The following TNRC6A variants were observed in gnomAD, a reference collection of about 807,000 sequenced individuals.
TNRC6A encodes the protein trinucleotide repeat-containing gene 6A protein.
In TNRC6A, 44 loss-of-function variants were observed where a neutral mutation model predicts 221.2. The observed-to-expected ratio is 0.20, with a 90% CI of 0.16 to 0.26. The LOEUF (loss-of-function observed/expected upper bound fraction) is 0.26, where lower values mean the gene tolerates loss of function less well. TNRC6A is among the 10% of genes least tolerant of loss of function. The pLI, the probability that TNRC6A is intolerant of heterozygous loss-of-function variation, is 1.00. For missense variants in TNRC6A, 2,199 were observed against 2,404.4 expected, an observed-to-expected ratio of 0.91 and a Z score of 1.79; for synonymous variants, 847 against 838.5, an observed-to-expected ratio of 1.01 and a Z score of -0.18.
At chr16:24,803,290 G>A (rs1348663757) in intron 11 of TNRC6A, among the ~76,000 whole-genome samples, 1 of 151,810 alleles carries the variant, frequency 6.6e-6, no homozygotes, top group Non-Finnish European at 1.5e-5. Flanking sequence ...GTGGTGGTGG[G>A]TGCCTGTAAT....
rs993192916 is a variant in TNRC6A, at chr16:24,647,699, C to T, written n.402+6690C>T. 5.9e-5 allele frequency among the ~76,000 whole-genome samples: 9 copies of T among 152,074 alleles called. No individual in the cohort carries two copies. In the South Asian group the frequency reaches 1.7e-3, roughly 28 times the overall value. ...TGATCTTGGCTCACTGCAACCTCTG[C>T]CTCCTGGGTTCAAGGGATTCTTCTG... On this transcript the variant is annotated intron_variant and non_coding_transcript_variant, in intron 2 of 2. Coordinates refer to the TNRC6A transcript ENST00000566108.
chr16:24,794,861 G>C, intron 8 of TNRC6A, 142 bp downstream of exon 8: 6 of 612,174 alleles, frequency 9.8e-6, no homozygotes, highest in Non-Finnish European at 1.6e-5. Context: ...ACTTGTATGG[G>C]CAGCCACCTA....
chr16:24,815,180 C>T lies in TNRC6A; in HGVS notation c.4706C>T (p.Ser1569Phe), dbSNP rs2058629985. Reference protein sequence around the residue: ...AISSGFRLEESPFVPYDFMNS... With the variant: ...AISSGFRLEEFPFVPYDFMNS... Reference sequence around the variant, plus strand: ...TCAAGTGGTTTCAGGCTGGAAGAGTCTCCATTTGTTCCCTATGACTTTATG... The same window carrying T: ...TCAAGTGGTTTCAGGCTGGAAGAGTTTCCATTTGTTCCCTATGACTTTATG... Residue 1569 changes from serine to phenylalanine, a missense_variant, in exon 19 of 25, where the codon TCT becomes TTT. Coordinates refer to ENST00000395799, the MANE Select transcript of TNRC6A (RefSeq NM_014494.4). 1 of 1,614,150 alleles carries T rather than the reference C, an allele frequency of 6.2e-7. No individual in the cohort carries two copies. The highest frequency in any genetic ancestry group is 8.5e-7 in the Non-Finnish European group (1 of 1,179,980).
intron 2 of TNRC6A, among the ~76,000 whole-genome samples, chr16:24,667,537 A>G (rs747176942): frequency 9.2e-5 from 14 of 152,282 alleles, no homozygotes; most frequent in African/African-American, 2.6e-4. Flanking sequence ...AGTGACCACA[A>G]TGTGACAGAC....
chr16:24,799,203 G>C (rs2058282208), intron 11 of TNRC6A, among the ~76,000 whole-genome samples: 1 of 152,154 alleles, frequency 6.6e-6, no homozygotes, highest in Admixed American at 6.5e-5. Context: ...CAAAATGTCA[G>C]TGCTAGCTGG....
rs1307924784 is a variant in TNRC6A, at chr16:24,806,759, A to G, written c.4515A>G (p.Ile1505Met). 2.5e-6 allele frequency: 4 copies of G among 1,614,194 alleles called. No individual in the cohort carries two copies. The highest frequency in any genetic ancestry group is 3.4e-6 in the Non-Finnish European group (4 of 1,180,042). Residue 1505 changes from isoleucine (I) to methionine (M), a missense_variant, in exon 17 of 25, where the codon ATA becomes ATG. By Grantham distance (10) the Ile-to-Met change is conservative. Coordinates refer to ENST00000395799, the MANE Select transcript of TNRC6A (RefSeq NM_014494.4). ...TPELQKGPSP[I>M]NAFSNFPIGL... ...AGCTGCAAAAAGGGCCATCACCAAT[A>G]AATGCTTTCAGCAACTTCCCTATAG...
At chr16:24,708,949 G>T (rs561356930) in intron 2 of TNRC6A, among the ~76,000 whole-genome samples, 6 of 152,208 alleles carry the variant, frequency 3.9e-5, no homozygotes, top group African/African-American at 1.4e-4. Flanking sequence ...GAATTGTGCT[G>T]CCATAAACGT....
intron 4 of TNRC6A, among the ~76,000 whole-genome samples, chr16:24,762,739 C>G (rs1596641893): frequency 1.3e-5 from 2 of 152,098 alleles, no homozygotes; most frequent in South Asian, 2.1e-4. Flanking sequence ...ACTAACTTGC[C>G]CAGGTTATGC....
intron 21 of TNRC6A, 95 bp from the exon 22 acceptor site, chr16:24,820,040 TTAGA>T: frequency 1.8e-6 from 2 of 1,140,816 alleles, no homozygotes; most frequent in Middle Eastern, 4.0e-4. Flanking sequence ...CTTTTGTTTG[TTAGA>T]TTTGCTTTTT....
rs144472162 is a variant in TNRC6A, at chr16:24,689,224, C to T, written n.402+48215C>T. 3.4e-4 allele frequency among the ~76,000 whole-genome samples: 52 copies of T among 152,318 alleles called. 2 individuals are homozygous for T. In the East Asian group the frequency reaches 6.2e-3, roughly 18 times the overall value. On this transcript the variant is annotated intron_variant and non_coding_transcript_variant, in intron 2 of 2. Transcript: ENST00000566108. Reference sequence around the variant, plus strand: ...CATCCAACCACTTGGAGATACTAACCATCAAGCTGCAACATAGACACAAAC... The same window carrying T: ...CATCCAACCACTTGGAGATACTAACTATCAAGCTGCAACATAGACACAAAC...
intron 20 of TNRC6A, among the ~76,000 whole-genome samples, chr16:24,817,805 A>T (rs1237179524): frequency 7.9e-5 from 12 of 152,162 alleles, no homozygotes; most frequent in Admixed American, 7.9e-4. Context: ...GCATTGTGAA[A>T]TGGCTGGGTT....
At chr16:24,716,956 A>C (rs79805021) in intron 2 of TNRC6A, among the ~76,000 whole-genome samples, 1 of 74,724 alleles carries the variant, frequency 1.3e-5, no homozygotes, top group East Asian at 7.8e-4. Context: ...ACTCCATCTC[A>C]AAAAAAAAAA....
intron 20 of TNRC6A, 109 bp downstream of exon 20, chr16:24,817,065 CACTTGAGCCCAGGA>C: frequency 8.6e-7 from 1 of 1,164,946 alleles, no homozygotes. Flanking sequence ...ACTCTGGGAT[CACTTGAGCCCAGGA>C]GCTTGAGGCA....
chr16:24,737,889 G>A (rs2056806020), intron 2 of TNRC6A, among the ~76,000 whole-genome samples: 1 of 152,162 alleles, frequency 6.6e-6, no homozygotes, highest in Non-Finnish European at 1.5e-5. Flanking sequence ...AGTGTGTGCT[G>A]ATTTTAAATG....
chr16:24,803,036 G>A (rs368711136), intron 11 of TNRC6A, among the ~76,000 whole-genome samples: 1 of 152,126 alleles, frequency 6.6e-6, no homozygotes, highest in Non-Finnish European at 1.5e-5. Context: ...CCTAAGAGAG[G>A]GGAAGATGTT....
At chr16:24,719,331 C>G (rs1427179960) in intron 2 of TNRC6A, among the ~76,000 whole-genome samples, 1 of 152,034 alleles carries the variant, frequency 6.6e-6, no homozygotes, top group Non-Finnish European at 1.5e-5. Context: ...GAGTTTGAGA[C>G]TGGGCAACGT....
Position 24,789,325 on chromosome 16 carries a change from C to CTGT in TNRC6A, c.687_689dup (p.Val230dup). 1 of 1,614,178 alleles carries CTGT rather than the reference C, an allele frequency of 6.2e-7. No homozygotes were observed. Among genetic ancestry groups the CTGT allele is most frequent in the Non-Finnish European group, 8.5e-7 (1 of 1,180,042 alleles). ...GATTCTAGCACAAACTGTAAGAATG[C>CTGT]TGTTGTAAGTGACTTGTCGGAAAAA... On this transcript the variant is annotated inframe_insertion, in exon 6 of 25. Coordinates refer to ENST00000395799, the MANE Select transcript of TNRC6A (RefSeq NM_014494.4).
chr16:24,811,736 T>C (rs1041697882), intron 18 of TNRC6A, among the ~76,000 whole-genome samples: 4 of 151,880 alleles, frequency 2.6e-5, no homozygotes, highest in African/African-American at 4.8e-5. Flanking sequence ...CCAGGAGCTG[T>C]GGAGGAAGTG....
chr16:24,763,079 T>C (rs2057397524), intron 4 of TNRC6A, among the ~76,000 whole-genome samples: 1 of 152,190 alleles, frequency 6.6e-6, no homozygotes. Context: ...AAATTGTTTA[T>C]TACATCTTTG....
Sources: gnomAD v4.1 joint callset for allele counts (sites outside exome capture counted in the v4.1 genomes callset) on GRCh38, gnomAD v4.1.1 for gene constraint, MANE v1.5 for transcripts, NCBI Gene and HGNC (gene_info 2026-07-23, HGNC 2026-07-21) for gene names.